The following COL8A1 variants were observed in gnomAD, a reference collection of about 807,000 sequenced individuals.
The protein encoded by COL8A1 is collagen type VIII alpha 1 chain.
A neutral mutation model predicts 42.7 loss-of-function variants in COL8A1; 21 were observed. The ratio of observed to expected loss-of-function variants is 0.49; its 90% CI spans 0.35 to 0.71. The LOEUF (loss-of-function observed/expected upper bound fraction) is 0.71. Ranked by LOEUF, COL8A1 falls within the 30% of genes least tolerant of loss-of-function variation. COL8A1 has a pLI of 0.01. For synonymous variants in COL8A1, 367 were observed against 369.1 expected (o/e 0.99, Z 0.06); for missense variants, 788 against 962.4 (o/e 0.82, Z 2.40).
At chr3:99,731,979 C>G (rs1940523334) in intron 1 of COL8A1, among the ~76,000 whole-genome samples, 1 of 152,098 alleles carries the variant, frequency 6.6e-6, no homozygotes, top group African/African-American at 2.4e-5. Context: ...AGCTGAGAGA[C>G]AGCAAGGCTT....
chr3:99,758,960 A>T (rs1441302216), intron 2 of COL8A1, among the ~76,000 whole-genome samples: 1 of 152,114 alleles, frequency 6.6e-6, no homozygotes, highest in Non-Finnish European at 1.5e-5. Context: ...ATTGGCCTTG[A>T]CACTTGTTGA....
intron 1 of COL8A1, among the ~76,000 whole-genome samples, chr3:99,653,370 G>T (rs1277508556): frequency 6.6e-6 from 1 of 151,832 alleles, no homozygotes; most frequent in East Asian, 1.9e-4. Flanking sequence ...TGACATTTTT[G>T]GTCTTTTTTT....
chr3:99,786,738 ATACTCAGAACAT>A (rs1365694294), intron 2 of COL8A1, among the ~76,000 whole-genome samples: 1 of 152,188 alleles, frequency 6.6e-6, no homozygotes, highest in Non-Finnish European at 1.5e-5. Flanking sequence ...TGTATCTCCA[ATACTCAGAACAT>A]TTCCTGTTCT....
chr3:99,693,714 G>A (rs1939287959), intron 1 of COL8A1, among the ~76,000 whole-genome samples: 3 of 152,124 alleles, frequency 2.0e-5, no homozygotes, highest in South Asian at 4.1e-4. Flanking sequence ...ATAAGCTAAG[G>A]TTAATTTATT....
chr3:99,794,745 C>A lies in COL8A1; in HGVS notation c.844C>A (p.Pro282Thr). ...ACCAGGAGTGACAGGCTTCCCTGGG[C>A]CCCAGGGCCCCCTGGGAAAGCCAGG... ...GKPGVTGFPG[P>T]QGPLGKPGAP... Residue 282 changes from proline to threonine, a missense_variant, in exon 4 of 4, where the codon CCC becomes ACC. This residue lies in a region of COL8A1 where 421 missense variants were observed against 553.1 expected (regional missense o/e 0.76). Coordinates refer to ENST00000652472, the MANE Select transcript of COL8A1 (RefSeq NM_020351.4). This position sits in a 1 kb window ranked among gnomAD's most constrained non-coding sequence, Gnocchi z 4.3. 1 of 1,598,810 alleles carries A rather than the reference C, an allele frequency of 6.3e-7. No individual in the cohort carries two copies. The highest frequency in any genetic ancestry group is 8.5e-7 in the Non-Finnish European group (1 of 1,174,560).
At chr3:99,753,522 T>C in intron 2 of COL8A1, among the ~76,000 whole-genome samples, 1 of 152,150 alleles carries the variant, frequency 6.6e-6, no homozygotes, top group East Asian at 1.9e-4. Flanking sequence ...GACGCCAGGG[T>C]TGGACCCATC....
chr3:99,673,916 G>A (rs1559774842), intron 1 of COL8A1, among the ~76,000 whole-genome samples: 2 of 151,928 alleles, frequency 1.3e-5, no homozygotes, highest in South Asian at 4.2e-4. Context: ...TATAAAAAGG[G>A]CTAAATAAGT....
At chr3:99,697,427 T>G (rs577328717) in intron 1 of COL8A1, among the ~76,000 whole-genome samples, 2 of 152,218 alleles carry the variant, frequency 1.3e-5, no homozygotes, top group Non-Finnish European at 2.9e-5. Flanking sequence ...TTTATAAGTT[T>G]ATGACTCAGA....
intron 1 of COL8A1, among the ~76,000 whole-genome samples, chr3:99,725,562 C>T (rs1008995371): frequency 1.0e-5 from 1 of 98,158 alleles, no homozygotes; most frequent in Non-Finnish European, 1.9e-5. Context: ...CTATCCCTCC[C>T]CCCTCCCCCC....
chr3:99,703,354 C>G (rs1939594622), intron 1 of COL8A1: 1 of 152,166 alleles, frequency 6.6e-6, no homozygotes, highest in Non-Finnish European at 1.5e-5. Context: ...AATTGCAGAG[C>G]CAGGAGAACA....
intron 1 of COL8A1, among the ~76,000 whole-genome samples, chr3:99,723,747 C>A (rs1416747280): frequency 6.6e-6 from 1 of 152,010 alleles, no homozygotes; most frequent in Admixed American, 6.6e-5. Flanking sequence ...AAGGAAATAC[C>A]CTCTCCCTTA....
chr3:99,651,243 C>T (rs1220313476), intron 1 of COL8A1, among the ~76,000 whole-genome samples: 3 of 152,252 alleles, frequency 2.0e-5, no homozygotes, highest in East Asian at 1.9e-4. Context: ...GGTTTAAATA[C>T]CTGCTGAGAC....
At chr3:99,686,686 A>G in intron 1 of COL8A1, among the ~76,000 whole-genome samples, 1 of 152,106 alleles carries the variant, frequency 6.6e-6, no homozygotes, top group South Asian at 2.1e-4. Context: ...CTCATCTCTT[A>G]TTACTTTTTT....
chr3:99,759,957 C>T (rs1258309004), intron 2 of COL8A1, among the ~76,000 whole-genome samples: 1 of 152,124 alleles, frequency 6.6e-6, no homozygotes, highest in African/African-American at 2.4e-5. Flanking sequence ...CTACCATGGA[C>T]AATCACATCA....
At chr3:99,769,428 C>A (rs562080156) in intron 2 of COL8A1, among the ~76,000 whole-genome samples, 2 of 152,240 alleles carry the variant, frequency 1.3e-5, no homozygotes, top group Non-Finnish European at 2.9e-5. Context: ...AGCCTGCCAA[C>A]TATTCATGTG....
chr3:99,715,496 G>T (rs1257859283), intron 1 of COL8A1, among the ~76,000 whole-genome samples: 1 of 152,004 alleles, frequency 6.6e-6, no homozygotes, highest in Non-Finnish European at 1.5e-5. Flanking sequence ...GGCTCCCCAT[G>T]AATAACCCTA....
intron 1 of COL8A1, among the ~76,000 whole-genome samples, chr3:99,706,071 T>G (rs1378033598): frequency 6.6e-6 from 1 of 152,140 alleles, no homozygotes; most frequent in Non-Finnish European, 1.5e-5. Context: ...TAAATTACTG[T>G]TAGGTCAGGA....
rs562273521 is a variant in COL8A1 at position 99,730,662 on chromosome 3, G to A, written c.-128-14235G>A. Among the ~76,000 whole-genome samples, 3 of 152,228 alleles carry A rather than the reference G, an allele frequency of 2.0e-5. No homozygotes were observed. The South Asian group carries it at 6.2e-4, about 32-fold the overall frequency. Reference sequence around the variant, plus strand: ...TTTATTAAGACTTGTTCCTTACTCAGTAAATAAATCACATATTTGGCAGCA... The same window carrying A: ...TTTATTAAGACTTGTTCCTTACTCAATAAATAAATCACATATTTGGCAGCA... On this transcript the variant is annotated intron_variant, in intron 1 of 3. Transcript: ENST00000652472.
Position 99,794,758 on chromosome 3 carries a change from T to A in COL8A1, c.857T>A (p.Leu286Gln). 1.3e-6 allele frequency: 2 copies of A among 1,596,698 alleles called. No homozygotes were observed. The highest frequency in any genetic ancestry group is 1.7e-6 in the Non-Finnish European group (2 of 1,173,906). The change falls in exon 4 of 4, where the codon CTG (leucine) becomes CAG (glutamine). Residue 286 changes from leucine (L) to glutamine (Q), a missense_variant. Physicochemically the swap from Leu to Gln is moderately radical, Grantham distance 113 (BLOSUM62 -2). This residue lies in a region of COL8A1 where 421 missense variants were observed against 553.1 expected (regional missense o/e 0.76). Transcript: ENST00000652472. This position sits in a 1 kb window ranked among gnomAD's most constrained non-coding sequence, Gnocchi z 4.3. ...VTGFPGPQGP[L>Q]GKPGAPGEPG... The stretch of plus-strand genomic sequence containing the variant: ...GGCTTCCCTGGGCCCCAGGGCCCCC[T>A]GGGAAAGCCAGGGGCTCCAGGAGAA...
Sources: gnomAD v4.1 joint callset for allele counts (sites outside exome capture counted in the v4.1 genomes callset) on GRCh38, gnomAD v4.1.1 for gene constraint, gnomAD v4.1.1 regional missense constraint, Gnocchi (gnomAD v3.1) non-coding constraint, MANE v1.5 for transcripts, NCBI Gene and HGNC (gene_info 2026-07-23, HGNC 2026-07-21) for gene names.